Variants in UNC13C observed in about 807,000 individuals in gnomAD.
The protein encoded by UNC13C is unc-13 homolog C.
In UNC13C, 174 loss-of-function variants were observed where a neutral mutation model predicts 245.4. That is an observed-to-expected ratio of 0.71 (90% CI 0.63 to 0.80). The LOEUF (loss-of-function observed/expected upper bound fraction) is 0.80. Ranked by LOEUF, UNC13C falls within the 30% of genes least tolerant of loss-of-function variation. The probability of loss-of-function intolerance (pLI) is 0.00; values close to 1 mark genes in which losing one functional copy is unlikely to be tolerated. For synonymous variants in UNC13C, 992 were observed against 895.1 expected (o/e 1.11, Z -1.93); for missense variants, 2,829 against 2,602.9 (o/e 1.09, Z -1.89).
intron 30 of UNC13C, among the ~76,000 whole-genome samples, chr15:54,588,201 G>T (rs1898589758): frequency 6.6e-6 from 1 of 152,138 alleles, no homozygotes; most frequent in African/African-American, 2.4e-5. Context: ...TAATAGCAAT[G>T]GGGCACAACC....
At chr15:54,046,387 C>A (rs1028071161) in intron 2 of UNC13C, among the ~76,000 whole-genome samples, 2 of 152,100 alleles carry the variant, frequency 1.3e-5, no homozygotes, top group African/African-American at 4.8e-5. Context: ...TCCAGAGTCT[C>A]ATCAACAATG....
intron 30 of UNC13C, among the ~76,000 whole-genome samples, chr15:54,582,313 C>CT (rs1223882136): frequency 6.6e-6 from 1 of 152,088 alleles, no homozygotes; most frequent in African/African-American, 2.4e-5. Context: ...AGTGTGGAAG[C>CT]TTAGACAGGG....
At chr15:54,007,560 T>G (rs62009773) in intron 1 of UNC13C, among the ~76,000 whole-genome samples, 1,612 of 152,200 alleles carry the variant, frequency 0.011, 9 homozygotes, top group South Asian at 0.028. Context: ...AGCTATACAA[T>G]GAGGACACGT....
intron 13 of UNC13C, among the ~76,000 whole-genome samples, chr15:54,310,323 A>T (rs966404242): frequency 1.3e-5 from 2 of 151,908 alleles, no homozygotes; most frequent in African/African-American, 2.4e-5. Flanking sequence ...GAACCCATGC[A>T]AACTCAGAGG....
intron 9 of UNC13C, 46 bp from the exon 10 acceptor site, chr15:54,265,309 T>G: frequency 7.5e-7 from 1 of 1,333,592 alleles, no homozygotes; most frequent in Non-Finnish European, 9.7e-7. Flanking sequence ...TATTTTTTGT[T>G]TCTGAGGACT....
At chr15:54,044,419 T>G (rs1896942335) in intron 2 of UNC13C, 1 of 338,834 alleles carries the variant, frequency 3.0e-6, no homozygotes, top group Non-Finnish European at 6.0e-6. Flanking sequence ...TAACATATAT[T>G]TAAAGTTTCC....
chr15:54,203,207 G>T (rs558883943), intron 4 of UNC13C, among the ~76,000 whole-genome samples: 1 of 151,812 alleles, frequency 6.6e-6, no homozygotes, highest in East Asian at 1.9e-4. Context: ...AGTGAAAAGG[G>T]AACATTTTTA....
Position 54,015,328 on chromosome 15 carries a change from G to T in UNC13C, c.2425G>T (p.Glu809Ter), listed in dbSNP as rs1333416125. 3 of 1,613,852 alleles carry T rather than the reference G, an allele frequency of 1.9e-6. No individual in the cohort carries two copies. The highest frequency in any genetic ancestry group is 2.5e-6 in the Non-Finnish European group (3 of 1,179,870). ...ACTGCAGAGGGCTAAATCAGCCTTGGAAGTAGTATGGAACAAAAGCACACA... is the reference window on the plus strand; with the variant it reads ...ACTGCAGAGGGCTAAATCAGCCTTGTAAGTAGTATGGAACAAAAGCACACA... ...STLQRAKSAL[E>*]VVWNKSTQSL... The change falls in exon 2 of 33, where the codon GAA (glutamate) becomes TAA (stop). Residue 809 changes from glutamate to a stop codon, truncating the protein, a stop_gained. Coordinates refer to ENST00000260323, the MANE Select transcript of UNC13C (RefSeq NM_001080534.3). LOFTEE classifies it high-confidence loss of function.
At chr15:54,060,600 C>T (rs376582732) in intron 2 of UNC13C, among the ~76,000 whole-genome samples, 1 of 152,082 alleles carries the variant, frequency 6.6e-6, no homozygotes, top group East Asian at 1.9e-4. Context: ...CCATTTGACC[C>T]AGCCATCCCA....
chr15:54,545,478 C>A (rs1271499353), intron 26 of UNC13C, among the ~76,000 whole-genome samples: 2 of 152,090 alleles, frequency 1.3e-5, no homozygotes, highest in African/African-American at 4.8e-5. Context: ...AGCTTCTGCA[C>A]AGCAAAAGAA....
At chr15:54,610,812 A>G (rs1900051484) in intron 30 of UNC13C, among the ~76,000 whole-genome samples, 1 of 152,240 alleles carries the variant, frequency 6.6e-6, no homozygotes, top group Non-Finnish European at 1.5e-5. Flanking sequence ...CCCAGAGACC[A>G]TCACGTACCT....
chr15:54,153,064 C>T (rs886202618), intron 4 of UNC13C, among the ~76,000 whole-genome samples: 3 of 151,832 alleles, frequency 2.0e-5, no homozygotes, highest in South Asian at 2.1e-4. Flanking sequence ...CTGCTATAAG[C>T]TTGTAAATAA....
Position 54,014,642 on chromosome 15 carries a change from C to T in UNC13C, c.1739C>T (p.Ser580Leu). Reference protein sequence around the residue: ...FTRTNGSSLLSSSDRELWQRK... With the variant: ...FTRTNGSSLLLSSDRELWQRK... ...AGAACTAATGGAAGCTCTCTCCTGTCATCTTCGGACCGGGAGCTATGGCAG... is the reference window on the plus strand; with the variant it reads ...AGAACTAATGGAAGCTCTCTCCTGTTATCTTCGGACCGGGAGCTATGGCAG... The change falls in exon 2 of 33, where the codon TCA (serine) becomes TTA (leucine). Residue 580 changes from serine (S) to leucine (L), a missense_variant. Transcript: ENST00000260323. The T allele has an allele frequency of 6.2e-7, 1 of 1,613,682 alleles. No homozygotes were observed. Among genetic ancestry groups the T allele is most frequent in the Non-Finnish European group, 8.5e-7 (1 of 1,179,784 alleles).
At chr15:54,547,261 T>C (rs1417365763) in intron 27 of UNC13C, among the ~76,000 whole-genome samples, 1 of 152,174 alleles carries the variant, frequency 6.6e-6, no homozygotes, top group Non-Finnish European at 1.5e-5. Context: ...CTTTCTATTA[T>C]GCTTTCATCT....
chr15:54,118,670 A>C (rs2030447783), intron 2 of UNC13C, among the ~76,000 whole-genome samples: 1 of 152,174 alleles, frequency 6.6e-6, no homozygotes, highest in African/African-American at 2.4e-5. Context: ...CAGGACTTCC[A>C]GTATTATATT....
At chr15:54,412,671 T>C (rs1250664317) in intron 18 of UNC13C, among the ~76,000 whole-genome samples, 3 of 152,254 alleles carry the variant, frequency 2.0e-5, no homozygotes, top group Non-Finnish European at 4.4e-5. Flanking sequence ...AAATTAGTTT[T>C]TTAGACATTT....
intron 4 of UNC13C, among the ~76,000 whole-genome samples, chr15:54,227,681 C>T (rs1452919194): frequency 6.6e-6 from 1 of 152,198 alleles, no homozygotes; most frequent in African/African-American, 2.4e-5. Flanking sequence ...CACTTCCAAA[C>T]CTGTGGGGAC....
chr15:54,241,676 T>G (rs1215618344), intron 7 of UNC13C, among the ~76,000 whole-genome samples: 4 of 152,260 alleles, frequency 2.6e-5, no homozygotes, highest in Admixed American at 2.0e-4. Context: ...ATAGCTTATG[T>G]AGAAAGCTCT....
chr15:54,448,220 C>G (rs147978458), intron 19 of UNC13C, among the ~76,000 whole-genome samples: 21 of 152,050 alleles, frequency 1.4e-4, no homozygotes, highest in South Asian at 2.1e-4. Context: ...GGAATAAGTG[C>G]GGTGTGGTGC....
Sources: allele counts gnomAD v4.1 joint callset (sites outside exome capture counted in the v4.1 genomes callset), GRCh38; gene constraint gnomAD v4.1.1; transcripts MANE v1.5; gene names NCBI Gene and HGNC (gene_info 2026-07-23, HGNC 2026-07-21).